BMPER: variants seen among roughly 807,000 people sequenced by gnomAD.
BMPER encodes the protein BMP binding endothelial regulator.
A neutral mutation model predicts 87.3 loss-of-function variants in BMPER; 45 were observed. That is an observed-to-expected ratio of 0.52 (90% CI 0.41 to 0.66). The LOEUF is 0.66. Among genes scored for constraint, BMPER ranks in the 30% least tolerant of loss-of-function variants. The pLI, the probability that BMPER is intolerant of heterozygous loss-of-function variation, is 0.00. For synonymous variants in BMPER, 326 were observed against 316.2 expected, an observed-to-expected ratio of 1.03 and a Z score of -0.33; for missense variants, 784 against 867.5, an observed-to-expected ratio of 0.90 and a Z score of 1.21.
chr7:33,960,783 C>T (rs1785250871), intron 3 of BMPER, among the ~76,000 whole-genome samples: 1 of 152,108 alleles, frequency 6.6e-6, no homozygotes, highest in Non-Finnish European at 1.5e-5. Flanking sequence ...TGAATGTCAC[C>T]CTTTCTATAT....
rs78318555 is a variant in BMPER, at chr7:33,998,085, C to T, written c.576+23301C>T. On this transcript the variant is annotated intron_variant, in intron 6 of 14. Transcript: ENST00000649409. ...TGTTTTGTTCATTGCTGTATCTCCA[C>T]GACCTAAAATGGAACTTAGCACATT... is the stretch of plus-strand genomic sequence containing the variant. Among the ~76,000 whole-genome samples, 1,210 of 152,326 alleles carry T rather than the reference C, an allele frequency of 7.9e-3. 18 individuals carry two copies. Among genetic ancestry groups the T allele is most frequent in the African/African-American group, 0.028 (1,147 of 41,562 alleles).
intron 6 of BMPER, among the ~76,000 whole-genome samples, chr7:34,017,979 A>C (rs932487060): frequency 6.6e-6 from 1 of 151,838 alleles, no homozygotes; most frequent in African/African-American, 2.4e-5. Flanking sequence ...AAAAAAAAAA[A>C]AAACAAAACC....
Position 34,024,370 on chromosome 7 carries a change from A to C in BMPER, c.577-21936A>C, listed in dbSNP as rs1445207627. 5.8e-3 allele frequency among the ~76,000 whole-genome samples: 587 copies of C among 101,710 alleles called. 2 individuals are homozygous for C. The highest frequency in any genetic ancestry group is 8.2e-3 in the Non-Finnish European group (455 of 55,826). 66.7% of individuals were successfully genotyped at this position (101,710 alleles called of 152,430 possible). A position where few individuals can be genotyped will look rare whatever the true frequency, so the allele number is the denominator to read the frequency against. Reference sequence around the variant, plus strand: ...GAAACTCTGTCTCAAAAAAAAAAAAAAAAAAAAAAAAACAATATATATATA... The same window carrying C: ...GAAACTCTGTCTCAAAAAAAAAAAACAAAAAAAAAAAACAATATATATATA... On this transcript the variant is annotated intron_variant, in intron 6 of 14. Coordinates refer to ENST00000649409, the MANE Select transcript of BMPER (RefSeq NM_001365308.1).
chr7:33,982,228 C>A (rs914651280), intron 6 of BMPER, among the ~76,000 whole-genome samples: 1 of 152,174 alleles, frequency 6.6e-6, no homozygotes, highest in African/African-American at 2.4e-5. Flanking sequence ...CTCTGCCTTA[C>A]TTGCAATAAT....
chr7:33,946,532 C>G (rs536903863), intron 3 of BMPER, among the ~76,000 whole-genome samples: 1 of 152,314 alleles, frequency 6.6e-6, no homozygotes, highest in African/African-American at 2.4e-5. Flanking sequence ...TTAGTCATTG[C>G]CTGCCACTCA....
rs1562662734 is a variant in BMPER, at chr7:33,974,683, A to ACT, written c.494-16_494-15dup. Reference sequence around the variant, plus strand: ...ATGATGGCTGTTGCCCTAATTCTAAACTCTTGTCTGCTTTCCAGGCTGTGT... The same window carrying ACT: ...ATGATGGCTGTTGCCCTAATTCTAAACTCTCTTGTCTGCTTTCCAGGCTGTGT... On this transcript the variant is annotated intron_variant, in intron 5 of 14. Transcript: ENST00000649409. 2 of 1,611,640 alleles carry ACT rather than the reference A, an allele frequency of 1.2e-6. No homozygotes were observed. The highest frequency in any genetic ancestry group is 8.5e-7 in the Non-Finnish European group (1 of 1,178,170).
intron 14 of BMPER, 52 bp downstream of exon 14, chr7:34,143,412 G>C: frequency 6.2e-7 from 1 of 1,609,650 alleles, no homozygotes; most frequent in Non-Finnish European, 8.5e-7. Flanking sequence ...CAATGCCCAA[G>C]ATGGCAATGG....
At position 33,996,487 on chromosome 7, in the gene BMPER, A is replaced by G. The variant is rs552479599; in HGVS notation, c.576+21703A>G. ...ACCAAATGGCTTCTTGCTGTCTACAATTATTGCCCTTCATACAGAAGGCTA... is the reference window on the plus strand; with the variant it reads ...ACCAAATGGCTTCTTGCTGTCTACAGTTATTGCCCTTCATACAGAAGGCTA... On this transcript the variant is annotated intron_variant, in intron 6 of 14. Transcript: ENST00000649409. Among the ~76,000 whole-genome samples, 107 of 152,184 alleles carry G rather than the reference A, an allele frequency of 7.0e-4. 1 individual carries two copies. The highest frequency in any genetic ancestry group is 1.1e-3 in the Admixed American group (17 of 15,282).
At chr7:33,969,166 A>G (rs1428601147) in intron 4 of BMPER, among the ~76,000 whole-genome samples, 1 of 152,140 alleles carries the variant, frequency 6.6e-6, no homozygotes. Flanking sequence ...GATGAAGAAA[A>G]TGACCTAGTT....
intron 6 of BMPER, among the ~76,000 whole-genome samples, chr7:34,024,369 A>AC (rs1472178424): frequency 1.5e-4 from 15 of 97,770 alleles, no homozygotes; most frequent in African/African-American, 6.9e-4. Flanking sequence ...AAAAAAAAAA[A>AC]AAAAAAAAAA....
intron 7 of BMPER, among the ~76,000 whole-genome samples, chr7:34,047,575 C>T (rs1788009179): frequency 6.6e-6 from 1 of 152,082 alleles, no homozygotes; most frequent in Admixed American, 6.5e-5. Flanking sequence ...CCATGCCCAG[C>T]CTATGATACC....
intron 13 of BMPER, among the ~76,000 whole-genome samples, chr7:34,090,725 A>G (rs1453785672): frequency 8.5e-5 from 13 of 152,214 alleles, no homozygotes; most frequent in Non-Finnish European, 1.9e-4. Flanking sequence ...ACTTGCCCAC[A>G]AAGCAGAACT....
chr7:33,992,555 T>C (rs1280373668), intron 6 of BMPER, among the ~76,000 whole-genome samples: 1 of 149,262 alleles, frequency 6.7e-6, no homozygotes, highest in Non-Finnish European at 1.5e-5. Context: ...CACTGATGGG[T>C]CTTGACTCTT....
intron 6 of BMPER, among the ~76,000 whole-genome samples, chr7:34,000,623 A>G (rs939157426): frequency 1.2e-4 from 18 of 152,206 alleles, no homozygotes; most frequent in African/African-American, 4.3e-4. Context: ...GAAAAGTATT[A>G]AAAAATACTA....
intron 3 of BMPER, among the ~76,000 whole-genome samples, chr7:33,947,059 A>G (rs1360324347): frequency 2.0e-5 from 3 of 152,202 alleles, no homozygotes; most frequent in Non-Finnish European, 4.4e-5. Context: ...GATTATTTTT[A>G]TGCTAATAAT....
intron 13 of BMPER, among the ~76,000 whole-genome samples, chr7:34,110,172 T>C (rs1318862304): frequency 6.6e-6 from 1 of 152,172 alleles, no homozygotes; most frequent in African/African-American, 2.4e-5. Context: ...CACTGTAGTT[T>C]GCATTTTTAT....
At chr7:34,118,328 T>G (rs961033606) in intron 13 of BMPER, among the ~76,000 whole-genome samples, 2 of 151,920 alleles carry the variant, frequency 1.3e-5, no homozygotes, top group African/African-American at 4.8e-5. Context: ...CAAAACAAAA[T>G]AAAATCTAGG....
chr7:34,072,153 G>T (rs185654717), intron 11 of BMPER, among the ~76,000 whole-genome samples: 6 of 152,260 alleles, frequency 3.9e-5, no homozygotes, highest in Non-Finnish European at 2.9e-5. Context: ...ACATAGTGAG[G>T]ATGAAAGGGG....
intron 13 of BMPER, 132 bp downstream of exon 13, chr7:34,086,224 T>A: frequency 9.6e-7 from 1 of 1,037,604 alleles, no homozygotes; most frequent in Non-Finnish European, 1.4e-6. Context: ...CTTCTTGCTG[T>A]CCAGGAGCTG....
Sources: gnomAD v4.1 joint callset for allele counts (sites outside exome capture counted in the v4.1 genomes callset) on GRCh38, gnomAD v4.1.1 for gene constraint, MANE v1.5 for transcripts, NCBI Gene and HGNC (gene_info 2026-07-23, HGNC 2026-07-21) for gene names.